The following MYRIP variants were observed in gnomAD, a reference collection of about 807,000 sequenced individuals.
MYRIP encodes myosin VIIA and Rab interacting protein.
Under a neutral mutation model 98.0 loss-of-function variants are expected in MYRIP, and 49 were observed. That is an observed-to-expected ratio of 0.50 (90% CI 0.40 to 0.63). The LOEUF is 0.63. Among genes scored for constraint, MYRIP ranks in the 30% least tolerant of loss-of-function variants. The pLI, the probability that MYRIP is intolerant of heterozygous loss-of-function variation, is 0.00. For synonymous variants in MYRIP, 404 were observed against 409.5 expected (o/e 0.99, Z 0.16); for missense variants, 1,004 against 1,058.2 (o/e 0.95, Z 0.71).
At chr3:40,150,941 G>A (rs1355597265) in intron 3 of MYRIP, 107 bp from the exon 4 acceptor site, 2 of 1,121,390 alleles carry the variant, frequency 1.8e-6, no homozygotes, top group Non-Finnish European at 2.4e-6. Context: ...GATTCAAGGG[G>A]AATAAACTTC....
At chr3:39,855,216 G>A (rs781380294) in intron 1 of MYRIP, among the ~76,000 whole-genome samples, 5 of 152,110 alleles carry the variant, frequency 3.3e-5, no homozygotes, top group Non-Finnish European at 7.4e-5. Flanking sequence ...CTTCTTCCTG[G>A]GGTCAGGTTT....
At chr3:40,168,497 C>T (rs544368643) in intron 7 of MYRIP, among the ~76,000 whole-genome samples, 14 of 152,288 alleles carry the variant, frequency 9.2e-5, no homozygotes, top group African/African-American at 1.2e-4. Context: ...GAACACACAC[C>T]GCTTTCCCAC....
chr3:39,829,394 T>C (rs953596568), intron 1 of MYRIP, among the ~76,000 whole-genome samples: 3 of 152,244 alleles, frequency 2.0e-5, no homozygotes, highest in African/African-American at 7.2e-5. Flanking sequence ...GACTTATTTG[T>C]ATTGATAGGT....
intron 2 of MYRIP, among the ~76,000 whole-genome samples, chr3:39,909,814 T>C (rs1943974249): frequency 6.6e-6 from 1 of 152,154 alleles, no homozygotes; most frequent in South Asian, 2.1e-4. Flanking sequence ...ACTAATAGCA[T>C]TGAATAGAGT....
intron 2 of MYRIP, among the ~76,000 whole-genome samples, chr3:39,941,912 C>G (rs919194409): frequency 2.7e-5 from 4 of 146,876 alleles, no homozygotes; most frequent in African/African-American, 1.1e-4. Context: ...TACTGAGACA[C>G]ACCACCAAGT....
intron 2 of MYRIP, among the ~76,000 whole-genome samples, chr3:40,024,480 A>G (rs1947077022): frequency 6.6e-6 from 1 of 151,884 alleles, no homozygotes; most frequent in African/African-American, 2.4e-5. Flanking sequence ...AACTTCAGGT[A>G]GGGATATCTA....
At chr3:39,843,711 A>ATC (rs1941876448) in intron 1 of MYRIP, among the ~76,000 whole-genome samples, 1 of 152,226 alleles carries the variant, frequency 6.6e-6, no homozygotes, top group African/African-American at 2.4e-5. Context: ...CAGAGATGGC[A>ATC]TATCCTAAGT....
At chr3:39,989,352 G>C (rs1160763140) in intron 2 of MYRIP, among the ~76,000 whole-genome samples, 1 of 152,148 alleles carries the variant, frequency 6.6e-6, no homozygotes, top group East Asian at 1.9e-4. Context: ...TCATTCCCAT[G>C]CCTGGAGATG....
At chr3:40,147,090 T>C (rs1266015317) in intron 3 of MYRIP, among the ~76,000 whole-genome samples, 1 of 152,200 alleles carries the variant, frequency 6.6e-6, no homozygotes, top group Non-Finnish European at 1.5e-5. Flanking sequence ...ATAATAATCC[T>C]AAATAATATG....
intron 12 of MYRIP, 61 bp from the exon 13 acceptor site, chr3:40,244,385 G>C (rs1282631805): frequency 2.0e-6 from 3 of 1,496,502 alleles, no homozygotes; most frequent in Non-Finnish European, 2.7e-6. Context: ...GTCCCCTCAA[G>C]GGACCCCCAA....
At chr3:40,039,628 T>C (rs11707920) in intron 2 of MYRIP, among the ~76,000 whole-genome samples, 45,108 of 151,830 alleles carry the variant, frequency 0.3, 7,112 homozygotes, top group Non-Finnish European at 0.36. Flanking sequence ...CCAGGGATGG[T>C]TCTTTCAGGA....
chr3:40,024,918 G>A (rs1398133579), intron 2 of MYRIP, among the ~76,000 whole-genome samples: 1 of 152,150 alleles, frequency 6.6e-6, no homozygotes, highest in Non-Finnish European at 1.5e-5. Context: ...CATTTATGGG[G>A]CAGCTTTTAC....
rs546965889 is a variant in MYRIP at position 40,248,786 on chromosome 3, T to C, written c.2263-1436T>C. On this transcript the variant is annotated intron_variant, in intron 13 of 16. Coordinates refer to ENST00000302541, the MANE Select transcript of MYRIP (RefSeq NM_015460.4). ...AACTTTTCTCAGAGGCTTGTGTAAT[T>C]TGTTGGTTCATAAACCAAAAGAATG... is the stretch of plus-strand genomic sequence containing the variant. 2.3e-4 allele frequency among the ~76,000 whole-genome samples: 35 copies of C among 152,320 alleles called. No individual in the cohort carries two copies. The South Asian group carries it at 6.6e-3, about 29-fold the overall frequency.
chr3:40,125,093 G>T (rs1949495379), intron 3 of MYRIP, among the ~76,000 whole-genome samples: 1 of 152,192 alleles, frequency 6.6e-6, no homozygotes. Context: ...TTAGAACCAG[G>T]CCTGACACTC....
intron 2 of MYRIP, among the ~76,000 whole-genome samples, chr3:39,990,985 A>C (rs923908293): frequency 6.6e-6 from 1 of 152,078 alleles, no homozygotes; most frequent in African/African-American, 2.4e-5. Flanking sequence ...AACATCACAC[A>C]CTGGGGCCTG....
intron 8 of MYRIP, chr3:40,174,857 T>G (rs995351014): frequency 6.6e-6 from 1 of 152,224 alleles, no homozygotes; most frequent in Non-Finnish European, 1.5e-5. Flanking sequence ...AAAAATGTTA[T>G]TGGAGGCCGG....
At chr3:39,974,123 G>GAAAATACAAATTTTC (rs1318023819) in intron 2 of MYRIP, among the ~76,000 whole-genome samples, 1 of 151,864 alleles carries the variant, frequency 6.6e-6, no homozygotes, top group Non-Finnish European at 1.5e-5. Context: ...CTTGTATTTT[G>GAAAATACAAATTTTC]AAAAGATCAA....
At chr3:39,979,314 C>A (rs1202808651) in intron 2 of MYRIP, among the ~76,000 whole-genome samples, 1 of 151,952 alleles carries the variant, frequency 6.6e-6, no homozygotes, top group South Asian at 2.1e-4. Context: ...TGAGTTTGTC[C>A]CTCTTAGGAT....
At chr3:39,858,484 C>G (rs1942370349) in intron 1 of MYRIP, among the ~76,000 whole-genome samples, 1 of 151,976 alleles carries the variant, frequency 6.6e-6, no homozygotes, top group African/African-American at 2.4e-5. Flanking sequence ...ATAGATCATC[C>G]AGACAGAAAA....
Sources: allele counts gnomAD v4.1 joint callset (sites outside exome capture counted in the v4.1 genomes callset), GRCh38; gene constraint gnomAD v4.1.1; transcripts MANE v1.5; gene names NCBI Gene and HGNC (gene_info 2026-07-23, HGNC 2026-07-21).